B3GALT1: variants seen among roughly 807,000 people sequenced by gnomAD.
B3GALT1 encodes UDP-Gal:betaGlcNAc beta 1,3-galactosyltransferase, polypeptide 1.
In B3GALT1, 10 loss-of-function variants were observed where a neutral mutation model predicts 23.2. The observed-to-expected ratio is 0.43, with a 90% CI of 0.27 to 0.73. The LOEUF is 0.73. Among genes scored for constraint, B3GALT1 ranks in the 30% least tolerant of loss-of-function variants. The probability of loss-of-function intolerance (pLI) is 0.21; values close to 1 mark genes in which losing one functional copy is unlikely to be tolerated. For synonymous variants in B3GALT1, 156 were observed against 141.5 expected (o/e 1.10, Z -0.73); for missense variants, 299 against 405.4 (o/e 0.74, Z 2.25).
chr2:167,380,140 T>C (rs1472817117), intron 1 of B3GALT1, among the ~76,000 whole-genome samples: 1 of 152,084 alleles, frequency 6.6e-6, no homozygotes, highest in Non-Finnish European at 1.5e-5. Context: ...TGCTTGTAGA[T>C]CGGTTTGGAC....
intron 2 of B3GALT1, among the ~76,000 whole-genome samples, chr2:167,510,077 C>T (rs1263743538): frequency 1.3e-5 from 2 of 152,102 alleles, no homozygotes; most frequent in African/African-American, 4.8e-5. Context: ...ATCATCAAAG[C>T]AGACTCACAA....
intron 3 of B3GALT1, among the ~76,000 whole-genome samples, chr2:167,665,702 G>A (rs1013426042): frequency 4.6e-5 from 7 of 152,174 alleles, no homozygotes; most frequent in East Asian, 1.9e-4. Flanking sequence ...GAGAGTGTAT[G>A]TGTCGAGGAA....
chr2:167,347,151 A>C (rs1697233440), intron 1 of B3GALT1, among the ~76,000 whole-genome samples: 1 of 152,190 alleles, frequency 6.6e-6, no homozygotes, highest in Admixed American at 6.5e-5. Flanking sequence ...GATTCTAATA[A>C]AAGTATTCTG....
chr2:167,626,327 G>GTATCTTCT (rs1344061607), intron 2 of B3GALT1, among the ~76,000 whole-genome samples: 1 of 151,394 alleles, frequency 6.6e-6, no homozygotes, highest in Non-Finnish European at 1.5e-5. Flanking sequence ...TTAAATATGT[G>GTATCTTCT]TATCTTCTTT....
chr2:167,506,209 C>T (rs916928593), intron 2 of B3GALT1, among the ~76,000 whole-genome samples: 4 of 152,174 alleles, frequency 2.6e-5, no homozygotes, highest in Admixed American at 2.6e-4. Context: ...TCATATAAGT[C>T]GTGCTGCCCC....
At chr2:167,415,648 T>G (rs1698457460) in intron 1 of B3GALT1, among the ~76,000 whole-genome samples, 1 of 152,178 alleles carries the variant, frequency 6.6e-6, no homozygotes, top group African/African-American at 2.4e-5. Context: ...AGGAAATGTT[T>G]GTAACTCCTT....
chr2:167,530,329 TG>T (rs1683304634), intron 2 of B3GALT1, among the ~76,000 whole-genome samples: 1 of 152,220 alleles, frequency 6.6e-6, no homozygotes, highest in South Asian at 2.1e-4. Context: ...ATCTCTTTTT[TG>T]TCTGTTTCAC....
At chr2:167,726,155 A>G (rs1647890600) in intron 3 of B3GALT1, among the ~76,000 whole-genome samples, 1 of 152,164 alleles carries the variant, frequency 6.6e-6, no homozygotes, top group African/African-American at 2.4e-5. Context: ...TAAGGGACTC[A>G]TGTTTTTAGC....
At chr2:167,756,341 A>G (rs572685297) in intron 3 of B3GALT1, among the ~76,000 whole-genome samples, 1 of 152,300 alleles carries the variant, frequency 6.6e-6, no homozygotes, top group Non-Finnish European at 1.5e-5. Context: ...CAAAGGGACA[A>G]ACATTTGAAC....
intron 1 of B3GALT1, among the ~76,000 whole-genome samples, chr2:167,441,038 TG>T (rs542400008): frequency 3.9e-4 from 59 of 152,328 alleles, no homozygotes; most frequent in African/African-American, 1.3e-3. Flanking sequence ...GTTGCTAGAC[TG>T]GGTTTATTTT....
At chr2:167,760,789 C>T (rs1204511184) in intron 3 of B3GALT1, among the ~76,000 whole-genome samples, 1 of 152,172 alleles carries the variant, frequency 6.6e-6, no homozygotes, top group African/African-American at 2.4e-5. Context: ...AAGTGGAACT[C>T]TTATATGTGC....
chr2:167,479,715 A>G (rs183817925), intron 1 of B3GALT1, among the ~76,000 whole-genome samples: 41 of 152,208 alleles, frequency 2.7e-4, no homozygotes, highest in Admixed American at 5.9e-4. Context: ...TAATCACCCA[A>G]TGGGTTTTTC....
chr2:167,387,224 C>T, intron 1 of B3GALT1, among the ~76,000 whole-genome samples: 1 of 152,108 alleles, frequency 6.6e-6, no homozygotes, highest in East Asian at 1.9e-4. Context: ...AGATTTATGA[C>T]ACTGCTAGAA....
At chr2:167,417,131 C>T (rs138047843) in intron 1 of B3GALT1, among the ~76,000 whole-genome samples, 1 of 152,194 alleles carries the variant, frequency 6.6e-6, no homozygotes, top group East Asian at 1.9e-4. Flanking sequence ...GAATGTTTGT[C>T]CCCTTCAAAA....
chr2:167,387,452 CT>C (rs1473999221), intron 1 of B3GALT1, among the ~76,000 whole-genome samples: 2 of 152,118 alleles, frequency 1.3e-5, no homozygotes, highest in Non-Finnish European at 2.9e-5. Flanking sequence ...TGTGGCTTCT[CT>C]TTTATACATT....
chr2:167,825,500 A>G (rs1689202498), intron 4 of B3GALT1, among the ~76,000 whole-genome samples: 1 of 148,236 alleles, frequency 6.7e-6, no homozygotes, highest in Non-Finnish European at 1.5e-5. Context: ...ATATATATAT[A>G]TAAATTATAT....
chr2:167,297,422 CAA>C (rs1696369061), intron 1 of B3GALT1, among the ~76,000 whole-genome samples: 2 of 150,780 alleles, frequency 1.3e-5, no homozygotes. Flanking sequence ...GTTTTGAGGT[CAA>C]AGTTTCCTTA....
At chr2:167,395,101 G>A (rs1218949619) in intron 1 of B3GALT1, among the ~76,000 whole-genome samples, 1 of 152,142 alleles carries the variant, frequency 6.6e-6, no homozygotes, top group Non-Finnish European at 1.5e-5. Flanking sequence ...TTGATGCTGT[G>A]ATGGGTTGAG....
chr2:167,454,400 G>A (rs753561518), intron 1 of B3GALT1, among the ~76,000 whole-genome samples: 1 of 152,148 alleles, frequency 6.6e-6, no homozygotes, highest in Non-Finnish European at 1.5e-5. Context: ...CTTTCGCTCC[G>A]TTACCTGCTG....
Sources: gnomAD v4.1 joint callset for allele counts (sites outside exome capture counted in the v4.1 genomes callset) on GRCh38, gnomAD v4.1.1 for gene constraint, MANE v1.5 for transcripts, NCBI Gene and HGNC (gene_info 2026-07-23, HGNC 2026-07-21) for gene names.